The following ASH1L variants were observed in gnomAD, a reference collection of about 807,000 sequenced individuals.
ASH1L encodes the protein ASH1 like histone lysine methyltransferase.
ASH1L carries 23 observed loss-of-function variants against 269.0 expected under a neutral mutation model. That is an observed-to-expected ratio of 0.09 (90% CI 0.06 to 0.12). The LOEUF is 0.12. ASH1L is among the 10% of genes least tolerant of loss of function. The probability of loss-of-function intolerance (pLI) is 1.00; values close to 1 mark genes in which losing one functional copy is unlikely to be tolerated. For synonymous variants in ASH1L, 1,187 were observed against 1,253.5 expected (o/e 0.95, Z 1.12); for missense variants, 2,912 against 3,567.8 (o/e 0.82, Z 4.68).
At chr1:155,447,139 G>T (rs762298605) in intron 4 of ASH1L, among the ~76,000 whole-genome samples, 2 of 152,178 alleles carry the variant, frequency 1.3e-5, no homozygotes, top group Admixed American at 6.5e-5. Flanking sequence ...TCTTAGGGAG[G>T]AAGCTTTCAG....
intron 2 of ASH1L, among the ~76,000 whole-genome samples, chr1:155,518,676 G>A (rs750373389): frequency 1.4e-5 from 2 of 143,620 alleles, no homozygotes; most frequent in African/African-American, 2.6e-5. Context: ...GCTACAGCTT[G>A]AGAACGGGGG....
intron 1 of ASH1L, among the ~76,000 whole-genome samples, chr1:155,542,895 G>A (rs1295870462): frequency 6.6e-6 from 1 of 151,634 alleles, no homozygotes; most frequent in Non-Finnish European, 1.5e-5. Context: ...TGGTCAGGCT[G>A]CCTGACCTCA....
intron 5 of ASH1L, among the ~76,000 whole-genome samples, chr1:155,422,970 C>T (rs1210161620): frequency 1.5e-5 from 2 of 134,550 alleles, no homozygotes; most frequent in Admixed American, 7.8e-5. Flanking sequence ...TTTTTTCAGA[C>T]GGAGTCTCGC....
chr1:155,360,656 C>T (rs1223948000), intron 12 of ASH1L, among the ~76,000 whole-genome samples: 1 of 151,998 alleles, frequency 6.6e-6, no homozygotes, highest in East Asian at 1.9e-4. Context: ...GTTGGCCAGG[C>T]TGGTCTTGAA....
chr1:155,371,399 T>G (rs1655930556), intron 10 of ASH1L, among the ~76,000 whole-genome samples: 1 of 151,830 alleles, frequency 6.6e-6, no homozygotes, highest in South Asian at 2.1e-4. Context: ...AATACAAAAA[T>G]TAGCTGGGTG....
intron 6 of ASH1L, among the ~76,000 whole-genome samples, chr1:155,410,025 C>A (rs1021790551): frequency 6.6e-6 from 1 of 151,378 alleles, no homozygotes; most frequent in African/African-American, 2.4e-5. Context: ...ATTAGCCAGG[C>A]GTGGTGGTGG....
chr1:155,493,230 C>T (rs919936708), intron 2 of ASH1L, among the ~76,000 whole-genome samples: 20 of 152,118 alleles, frequency 1.3e-4, no homozygotes, highest in African/African-American at 2.4e-4. Context: ...TTTTTCCATA[C>T]GTATACTTCC....
intron 2 of ASH1L, among the ~76,000 whole-genome samples, chr1:155,509,673 T>TCAC (rs1668039241): frequency 2.0e-5 from 3 of 152,058 alleles, no homozygotes; most frequent in African/African-American, 7.2e-5. Flanking sequence ...ATGGTGTGTG[T>TCAC]CTCTAATCCC....
intron 5 of ASH1L, among the ~76,000 whole-genome samples, chr1:155,430,419 T>C (rs1661512928): frequency 6.6e-6 from 1 of 152,186 alleles, no homozygotes; most frequent in African/African-American, 2.4e-5. Context: ...CTTTAAATAA[T>C]AGATTCAATT....
At position 155,479,947 on chromosome 1, in the gene ASH1L, T is replaced by C; in HGVS notation, c.2923A>G (p.Asn975Asp). 6.2e-7 allele frequency: 1 copy of C among 1,613,704 alleles called. No individual in the cohort carries two copies. Among genetic ancestry groups the C allele is most frequent in the Non-Finnish European group, 8.5e-7 (1 of 1,179,928 alleles). ...EPDKKITKRN[N>D]GQLMKTIIRK... ...ATAATTGTTTTCATTAATTGTCCAT[T>C]GTTTCTCTTGGTAATTTTTTTATCT... is the stretch of plus-strand genomic sequence containing the variant. The change falls in exon 3 of 28, where the codon AAT becomes GAT. Residue 975 changes from asparagine (N) to aspartate (D), a missense_variant. Physicochemically the swap from Asn to Asp is conservative, Grantham distance 23. Coordinates refer to ENST00000392403, the MANE Select transcript of ASH1L (RefSeq NM_018489.3).
chr1:155,487,296 T>TA (rs1230741289), intron 2 of ASH1L, among the ~76,000 whole-genome samples: 17 of 151,822 alleles, frequency 1.1e-4, no homozygotes, highest in Non-Finnish European at 2.4e-4. Flanking sequence ...ATATTAAAAA[T>TA]AAAAAAAATT....
Position 155,428,458 on chromosome 1 carries a change from T to A in ASH1L, c.5828+9869A>T, listed in dbSNP as rs1043880742. ...ATTCCGTCTCAAAAAAAAAAATATA[T>A]ATATATATGTTGGGAACAGGCCCCC... On this transcript the variant is annotated intron_variant, in intron 5 of 27. Transcript: ENST00000392403. 4.2e-4 allele frequency among the ~76,000 whole-genome samples: 62 copies of A among 149,326 alleles called. 1 individual carries two copies. Among genetic ancestry groups the A allele is most frequent in the African/African-American group, 1.4e-3 (56 of 40,452 alleles).
intron 20 of ASH1L, among the ~76,000 whole-genome samples, 195 bp from the exon 21 acceptor site, chr1:155,346,664 T>C (rs1653362536): frequency 6.6e-6 from 1 of 152,146 alleles, no homozygotes; most frequent in Non-Finnish European, 1.5e-5. Context: ...TAAGCAAAAG[T>C]ATACCGATTG....
intron 7 of ASH1L, among the ~76,000 whole-genome samples, chr1:155,390,677 G>A (rs1404910354): frequency 3.9e-5 from 5 of 128,982 alleles, no homozygotes; most frequent in South Asian, 2.3e-4. Flanking sequence ...ACGGAGTCTC[G>A]CTCTGTCACC....
intron 1 of ASH1L, among the ~76,000 whole-genome samples, chr1:155,529,533 A>AT (rs542420586): frequency 6.6e-5 from 10 of 151,318 alleles, no homozygotes; most frequent in Admixed American, 2.0e-4. Flanking sequence ...CTTTTTAATC[A>AT]TTTTTTTTCT....
At chr1:155,355,204 C>T (rs1350668544) in intron 15 of ASH1L, among the ~76,000 whole-genome samples, 1 of 152,222 alleles carries the variant, frequency 6.6e-6, no homozygotes, top group African/African-American at 2.4e-5. Flanking sequence ...GTGCCTGCCA[C>T]CACGCCCAGC....
At chr1:155,416,607 C>T (rs1660231069) in intron 5 of ASH1L, among the ~76,000 whole-genome samples, 2 of 152,096 alleles carry the variant, frequency 1.3e-5, no homozygotes, top group Admixed American at 6.6e-5. Context: ...ATGATCTCAT[C>T]TCACTGCAAC....
At chr1:155,454,961 A>G (rs560820987) in intron 4 of ASH1L, among the ~76,000 whole-genome samples, 2 of 152,268 alleles carry the variant, frequency 1.3e-5, no homozygotes, top group South Asian at 2.1e-4. Context: ...TTATAAAAGA[A>G]CTACCTCTCT....
At chr1:155,353,230 T>G (rs977100385) in intron 16 of ASH1L, among the ~76,000 whole-genome samples, 2 of 152,240 alleles carry the variant, frequency 1.3e-5, no homozygotes, top group African/African-American at 4.8e-5. Flanking sequence ...ACAATGGTAG[T>G]ACTTCCCTCA....
Sources: allele counts gnomAD v4.1 joint callset (sites outside exome capture counted in the v4.1 genomes callset), GRCh38; gene constraint gnomAD v4.1.1; transcripts MANE v1.5; gene names NCBI Gene and HGNC (gene_info 2026-07-23, HGNC 2026-07-21).